The following FGF12 variants were observed in gnomAD, a reference collection of about 807,000 sequenced individuals.
FGF12 encodes the protein fibroblast growth factor 12, also known as fibroblast growth factor 12B.
Under a neutral mutation model 23.6 loss-of-function variants are expected in FGF12, and 14 were observed. That is an observed-to-expected ratio of 0.59 (90% CI 0.39 to 0.93). The LOEUF is 0.93. FGF12 is among the 40% of genes least tolerant of loss of function. The probability of loss-of-function intolerance (pLI) is 0.00; values close to 1 mark genes in which losing one functional copy is unlikely to be tolerated. For synonymous variants in FGF12, 62 were observed against 77.3 expected (o/e 0.80, Z 1.04); for missense variants, 175 against 217.8 (o/e 0.80, Z 1.24).
chr3:192,181,353 G>A (rs114547616), intron 4 of FGF12, among the ~76,000 whole-genome samples: 17 of 146,900 alleles, frequency 1.2e-4, no homozygotes, highest in African/African-American at 3.9e-4. Flanking sequence ...AGACCTACAC[G>A]CACACACACA....
chr3:192,618,895 CA>C (rs1264666753), intron 2 of FGF12, among the ~76,000 whole-genome samples: 16 of 152,110 alleles, frequency 1.1e-4, no homozygotes, highest in African/African-American at 3.4e-4. Context: ...TGGGAATGCA[CA>C]GACAAGACCT....
At chr3:192,604,375 A>C (rs1301096690) in intron 2 of FGF12, among the ~76,000 whole-genome samples, 3 of 152,146 alleles carry the variant, frequency 2.0e-5, no homozygotes, top group African/African-American at 7.2e-5. Context: ...GAAATTATAA[A>C]AGTATTATTT....
At chr3:192,541,922 C>A (rs758740170) in intron 2 of FGF12, among the ~76,000 whole-genome samples, 5 of 151,240 alleles carry the variant, frequency 3.3e-5, no homozygotes, top group Non-Finnish European at 7.4e-5. Flanking sequence ...GTACGTTATT[C>A]ATTTCTTTTC....
chr3:192,320,588 A>G lies in FGF12; in HGVS notation c.228+14773T>C, dbSNP rs1336512416. ...AAACAAGTCTTGGAAAATTCAAAAA[A>G]ACTGAGATAGTATCAAGTATCTTCT... On this transcript the variant is annotated intron_variant, in intron 4 of 5. Coordinates refer to ENST00000445105, the MANE Select transcript of FGF12 (RefSeq NM_004113.6). Among the ~76,000 whole-genome samples the G allele has an allele frequency of 3.3e-5, 5 of 152,310 alleles. No individual in the cohort carries two copies. The East Asian group carries it at 7.7e-4, about 23-fold the overall frequency.
chr3:192,569,994 G>A (rs554666545), intron 2 of FGF12, among the ~76,000 whole-genome samples: 5 of 152,320 alleles, frequency 3.3e-5, no homozygotes, highest in Non-Finnish European at 5.9e-5. Context: ...AGCCAGTGCC[G>A]TAAAAGTGCC....
In FGF12 at chr3:192,366,265, T is replaced by C. The variant is rs576785678; in HGVS notation, c.14-5727A>G. 3.9e-5 allele frequency among the ~76,000 whole-genome samples: 6 copies of C among 152,198 alleles called. No individual in the cohort carries two copies. In the South Asian group the frequency reaches 1.2e-3, roughly 32 times the overall value. On this transcript the variant is annotated intron_variant, in intron 2 of 5. Transcript: ENST00000445105. ...TTGATAGAAAAGCAGTTACAGAAAA[T>C]TGTGCAAGAAATATGTATCTATATA... is the stretch of plus-strand genomic sequence containing the variant.
At chr3:192,222,492 A>G (rs903886630) in intron 4 of FGF12, among the ~76,000 whole-genome samples, 3 of 152,170 alleles carry the variant, frequency 2.0e-5, no homozygotes, top group Admixed American at 2.0e-4. Flanking sequence ...AAAGGAAAGA[A>G]TAATAATTAG....
intron 4 of FGF12, among the ~76,000 whole-genome samples, chr3:192,241,231 A>C (rs1719602528): frequency 6.6e-6 from 1 of 152,192 alleles, no homozygotes; most frequent in Non-Finnish European, 1.5e-5. Context: ...GAATCTATAC[A>C]TTTGTTGAAC....
chr3:192,261,095 G>A (rs1226069280), intron 4 of FGF12, among the ~76,000 whole-genome samples: 1 of 152,136 alleles, frequency 6.6e-6, no homozygotes, highest in Non-Finnish European at 1.5e-5. Context: ...AGGGGCTGAG[G>A]AAGGAGCCAC....
chr3:192,247,026 A>T (rs1273968888), intron 4 of FGF12, among the ~76,000 whole-genome samples: 2 of 138,174 alleles, frequency 1.4e-5, no homozygotes, highest in Non-Finnish European at 3.2e-5. Flanking sequence ...GGAGGGAGGG[A>T]AGGAAAGAAG....
At chr3:192,609,740 C>G (rs756165576) in intron 2 of FGF12, among the ~76,000 whole-genome samples, 9 of 151,978 alleles carry the variant, frequency 5.9e-5, no homozygotes, top group Non-Finnish European at 1.2e-4. Flanking sequence ...TCTTCTGAAA[C>G]AGATTAAAAA....
At chr3:192,454,698 A>AAAATG (rs1160245157) in intron 2 of FGF12, among the ~76,000 whole-genome samples, 1 of 152,220 alleles carries the variant, frequency 6.6e-6, no homozygotes, top group Non-Finnish European at 1.5e-5. Flanking sequence ...AAAGTTTTAG[A>AAAATG]AAATGACAAA....
intron 2 of FGF12, among the ~76,000 whole-genome samples, chr3:192,427,217 C>G (rs1488736061): frequency 6.6e-6 from 1 of 151,908 alleles, no homozygotes; most frequent in Non-Finnish European, 1.5e-5. Context: ...CCCGTCTCTA[C>G]TAAAAATACA....
At chr3:192,306,328 G>A (rs1424687562) in intron 4 of FGF12, among the ~76,000 whole-genome samples, 1 of 151,998 alleles carries the variant, frequency 6.6e-6, no homozygotes, top group Admixed American at 6.6e-5. Flanking sequence ...CTGCAACCAG[G>A]TATACATAAA....
intron 2 of FGF12, among the ~76,000 whole-genome samples, chr3:192,719,427 T>G (rs1245703123): frequency 6.6e-6 from 1 of 152,234 alleles, no homozygotes; most frequent in South Asian, 2.1e-4. Context: ...TTGTTTTTTA[T>G]GCTGATGCAA....
intron 2 of FGF12, among the ~76,000 whole-genome samples, chr3:192,660,947 AGTT>A (rs1393597739): frequency 5.3e-5 from 8 of 151,582 alleles, no homozygotes; most frequent in African/African-American, 1.7e-4. Context: ...AATAAGGAAA[AGTT>A]GTTCTGAAAG....
intron 4 of FGF12, among the ~76,000 whole-genome samples, chr3:192,333,474 G>A (rs928684976): frequency 5.3e-5 from 8 of 152,000 alleles, no homozygotes; most frequent in African/African-American, 1.4e-4. Context: ...TGGACATTAA[G>A]AATTGTTAGA....
chr3:192,474,423 A>G (rs987353597), intron 2 of FGF12, among the ~76,000 whole-genome samples: 2 of 152,208 alleles, frequency 1.3e-5, no homozygotes, highest in African/African-American at 4.8e-5. Context: ...TTGGCCAATT[A>G]TAGCACCTCA....
intron 2 of FGF12, among the ~76,000 whole-genome samples, chr3:192,621,154 T>A (rs1714961591): frequency 6.6e-6 from 1 of 152,178 alleles, no homozygotes; most frequent in South Asian, 2.1e-4. Context: ...CAAAATGATA[T>A]GTGCGCTTTT....
Sources: gnomAD v4.1 joint callset for allele counts (sites outside exome capture counted in the v4.1 genomes callset) on GRCh38, gnomAD v4.1.1 for gene constraint, MANE v1.5 for transcripts, NCBI Gene and HGNC (gene_info 2026-07-23, HGNC 2026-07-21) for gene names.